Variants in BACH2 observed in about 807,000 individuals in gnomAD.
The protein encoded by BACH2 is transcription regulator protein BACH2.
Under a neutral mutation model 61.8 loss-of-function variants are expected in BACH2, and 5 were observed. The ratio of observed to expected loss-of-function variants is 0.08; its 90% confidence interval spans 0.04 to 0.17. The LOEUF (loss-of-function observed/expected upper bound fraction) is 0.17, where lower values mean the gene tolerates loss of function less well. BACH2 is among the 10% of genes least tolerant of loss of function. BACH2 has a pLI of 1.00. For missense variants in BACH2, 824 were observed against 1,091.1 expected, an observed-to-expected ratio of 0.76 and a Z score of 3.45; for synonymous variants, 446 against 440.1, an observed-to-expected ratio of 1.01 and a Z score of -0.17.
At chr6:90,083,337 C>G (rs1445248687) in intron 5 of BACH2, among the ~76,000 whole-genome samples, 4 of 152,306 alleles carry the variant, frequency 2.6e-5, no homozygotes, top group East Asian at 3.9e-4. Flanking sequence ...AGACTCACGA[C>G]TCAGAGAATT....
rs1423172785 is a variant in BACH2, at chr6:90,002,878, C to A, written c.243+5724G>T. Among the ~76,000 whole-genome samples the A allele has an allele frequency of 3.3e-5, 5 of 152,214 alleles. No homozygotes were observed. In the East Asian group the frequency reaches 9.6e-4, roughly 29 times the overall value. On this transcript the variant is annotated intron_variant, in intron 6 of 8. Transcript: ENST00000257749. ...CTCAGTTAATGCCAACTCCATTCTT[C>A]CAATAGTTGAGGCCCTAAGCCTGGA...
chr6:90,088,642 C>T (rs570198336), intron 5 of BACH2, among the ~76,000 whole-genome samples: 1 of 152,296 alleles, frequency 6.6e-6, no homozygotes, highest in Non-Finnish European at 1.5e-5. Flanking sequence ...CCAGCTGCAT[C>T]AGCCTCACTT....
At chr6:90,293,859 G>A (rs955966739) in intron 1 of BACH2, among the ~76,000 whole-genome samples, 1 of 152,130 alleles carries the variant, frequency 6.6e-6, no homozygotes, top group African/African-American at 2.4e-5. Context: ...GGATTTCAAG[G>A]CAGTTTGCAA....
At chr6:90,246,736 C>T (rs1770650627) in intron 3 of BACH2, among the ~76,000 whole-genome samples, 1 of 152,106 alleles carries the variant, frequency 6.6e-6, no homozygotes, top group Non-Finnish European at 1.5e-5. Flanking sequence ...AAGTATATTA[C>T]AATACAATCT....
intron 4 of BACH2, among the ~76,000 whole-genome samples, chr6:90,146,285 T>C (rs1784616855): frequency 6.6e-6 from 1 of 152,234 alleles, no homozygotes; most frequent in Non-Finnish European, 1.5e-5. Context: ...TTCCTATGGC[T>C]TGCCTTTTGG....
intron 4 of BACH2, chr6:90,117,179 C>T (rs183248526): frequency 4.4e-4 from 75 of 172,224 alleles, no homozygotes; most frequent in African/African-American, 1.6e-3. Context: ...TTCCCTTCAT[C>T]CCACTGATCT....
chr6:90,284,471 T>C (rs888029665), intron 1 of BACH2, among the ~76,000 whole-genome samples: 7 of 152,186 alleles, frequency 4.6e-5, no homozygotes, highest in Admixed American at 4.6e-4. Flanking sequence ...CAATAGATGC[T>C]GTGTAGGAGG....
chr6:89,980,231 T>G (rs1775875696), intron 6 of BACH2, among the ~76,000 whole-genome samples: 1 of 151,722 alleles, frequency 6.6e-6, no homozygotes, highest in South Asian at 2.1e-4. Context: ...GAGGCAGAGG[T>G]TGCAGTGAGC....
Position 90,042,368 on chromosome 6 carries a change from A to ATT in BACH2, c.-12-33514_-12-33513dup, listed in dbSNP as rs11435980. On this transcript the variant is annotated intron_variant, in intron 5 of 8. Coordinates refer to ENST00000257749, the MANE Select transcript of BACH2 (RefSeq NM_021813.4). Reference sequence around the variant, plus strand: ...ACACTGCACTCAGCTAGTTTTTTGTATTTTTTTTTTTTGGTAGAGACAGGG... The same window carrying ATT: ...ACACTGCACTCAGCTAGTTTTTTGTATTTTTTTTTTTTTTGGTAGAGACAGGG... 1.8e-4 allele frequency among the ~76,000 whole-genome samples: 26 copies of ATT among 144,444 alleles called. 1 individual carries two copies. Among genetic ancestry groups the ATT allele is most frequent in the East Asian group, 1.2e-3 (6 of 5,018 alleles). The allele number at this position is 144,444 out of a possible 152,430, so 94.8% of individuals were successfully genotyped here. A position where few individuals can be genotyped will look rare whatever the true frequency, so the allele number is the denominator to read the frequency against.
At chr6:90,082,449 GA>G (rs1015795311) in intron 5 of BACH2, among the ~76,000 whole-genome samples, 3 of 150,204 alleles carry the variant, frequency 2.0e-5, no homozygotes, top group South Asian at 2.1e-4. Context: ...TTAGAAGGAA[GA>G]AAAAAAAAGT....
intron 1 of BACH2, among the ~76,000 whole-genome samples, chr6:90,295,781 T>C (rs979667315): frequency 6.6e-6 from 1 of 152,230 alleles, no homozygotes; most frequent in Non-Finnish European, 1.5e-5. Context: ...CGGGACGCTT[T>C]CCGACAACCC....
chr6:89,935,481 T>A (rs1029506293), intron 8 of BACH2, among the ~76,000 whole-genome samples: 1 of 152,082 alleles, frequency 6.6e-6, no homozygotes, highest in African/African-American at 2.4e-5. Context: ...GAAAATGAGG[T>A]GCCGCGTGTG....
At chr6:90,047,447 G>C (rs1353423366) in intron 5 of BACH2, among the ~76,000 whole-genome samples, 1 of 152,162 alleles carries the variant, frequency 6.6e-6, no homozygotes, top group Non-Finnish European at 1.5e-5. Context: ...CTTCTCCACA[G>C]ATGCCCTACC....
At chr6:90,110,762 A>T (rs1209176159) in intron 4 of BACH2, among the ~76,000 whole-genome samples, 1 of 152,216 alleles carries the variant, frequency 6.6e-6, no homozygotes, top group East Asian at 1.9e-4. Context: ...CTTTTAAGTC[A>T]TATTGGCATT....
intron 5 of BACH2, among the ~76,000 whole-genome samples, chr6:90,009,792 G>A (rs140202864): frequency 2.6e-3 from 391 of 152,288 alleles, no homozygotes; most frequent in Admixed American, 4.9e-3. Context: ...CGCTTCCCAA[G>A]TAGCTGGGAT....
intron 4 of BACH2, among the ~76,000 whole-genome samples, chr6:90,109,766 C>T (rs1783085743): frequency 6.6e-6 from 1 of 152,172 alleles, no homozygotes; most frequent in African/African-American, 2.4e-5. Flanking sequence ...GCCCTGCCTC[C>T]ATAATACATC....
At chr6:89,968,391 A>G (rs1320422114) in intron 6 of BACH2, among the ~76,000 whole-genome samples, 1 of 152,258 alleles carries the variant, frequency 6.6e-6, no homozygotes, top group South Asian at 2.1e-4. Context: ...CACTTCTTAC[A>G]TGTCCTCTGC....
chr6:90,200,804 C>T (rs2127847663), intron 4 of BACH2, among the ~76,000 whole-genome samples: 1 of 152,084 alleles, frequency 6.6e-6, no homozygotes, highest in African/African-American at 2.4e-5. Flanking sequence ...TTTAAAAATG[C>T]AATGAAGTTC....
intron 4 of BACH2, among the ~76,000 whole-genome samples, chr6:90,122,449 G>A (rs1044877675): frequency 1.3e-5 from 2 of 152,168 alleles, no homozygotes; most frequent in African/African-American, 4.8e-5. Context: ...CTTCTTGAAG[G>A]CAGTAAGATG....
Sources: gnomAD v4.1 joint callset for allele counts (sites outside exome capture counted in the v4.1 genomes callset) on GRCh38, gnomAD v4.1.1 for gene constraint, MANE v1.5 for transcripts, NCBI Gene and HGNC (gene_info 2026-07-23, HGNC 2026-07-21) for gene names.